SNX29: variants seen among roughly 807,000 people sequenced by gnomAD.
SNX29 encodes sorting nexin-29.
A neutral mutation model predicts 102.1 loss-of-function variants in SNX29; 78 were observed. That is an observed-to-expected ratio of 0.76 (90% CI 0.64 to 0.92). SNX29 has a LOEUF of 0.92. Among genes scored for constraint, SNX29 ranks in the 40% least tolerant of loss-of-function variants. The pLI is 0.00. For missense variants in SNX29, 1,280 were observed against 1,061.7 expected, an observed-to-expected ratio of 1.21 and a Z score of -2.86; for synonymous variants, 580 against 414.5, an observed-to-expected ratio of 1.40 and a Z score of -4.85.
At chr16:12,453,894 TG>T (rs892256579) in intron 18 of SNX29, among the ~76,000 whole-genome samples, 4 of 152,140 alleles carry the variant, frequency 2.6e-5, no homozygotes, top group African/African-American at 9.7e-5. Flanking sequence ...ATGTGGTAAT[TG>T]GATGTATAGG....
rs77382798 is a variant in SNX29 at position 12,250,594 on chromosome 16, C to A, written c.1679-27339C>A. 1.7e-3 allele frequency among the ~76,000 whole-genome samples: 257 copies of A among 152,280 alleles called. 4 individuals are homozygous for A. In the East Asian group the frequency reaches 0.043, roughly 26 times the overall value. On this transcript the variant is annotated intron_variant, in intron 14 of 20. Transcript: ENST00000566228. ...AGCACAATGCAGAGCTTGATGCAGT[C>A]CTCGGGTTGTGTTTTGGGAGAAGGC...
chr16:12,452,154 T>C (rs1398502580), intron 18 of SNX29, among the ~76,000 whole-genome samples: 1 of 152,208 alleles, frequency 6.6e-6, no homozygotes, highest in Non-Finnish European at 1.5e-5. Flanking sequence ...GGGAGCTCAG[T>C]GCAAGTTCTA....
chr16:12,352,619 T>G (rs948761690), intron 15 of SNX29, among the ~76,000 whole-genome samples: 4 of 152,248 alleles, frequency 2.6e-5, no homozygotes, highest in African/African-American at 9.6e-5. Context: ...TGATGACTCA[T>G]AGTCTTTGCA....
chr16:12,152,987 A>G (rs999555770), intron 13 of SNX29, among the ~76,000 whole-genome samples: 6 of 152,114 alleles, frequency 3.9e-5, no homozygotes, highest in African/African-American at 9.7e-5. Flanking sequence ...TCCATCCATC[A>G]TGGTCATTAG....
At chr16:12,244,583 C>A (rs1339644894) in intron 14 of SNX29, among the ~76,000 whole-genome samples, 1 of 151,984 alleles carries the variant, frequency 6.6e-6, no homozygotes, top group Non-Finnish European at 1.5e-5. Context: ...GCACTCCAGC[C>A]TAGGTGACAG....
chr16:12,540,119 C>G (rs534308187), intron 20 of SNX29, among the ~76,000 whole-genome samples: 1 of 152,262 alleles, frequency 6.6e-6, no homozygotes, highest in Non-Finnish European at 1.5e-5. Context: ...AAGATTTTCT[C>G]CTAGGTTTTC....
At chr16:12,484,921 G>A (rs553723481) in intron 19 of SNX29, among the ~76,000 whole-genome samples, 1 of 152,194 alleles carries the variant, frequency 6.6e-6, no homozygotes, top group Non-Finnish European at 1.5e-5. Flanking sequence ...ACCAGGACTG[G>A]AGTCTGTTTC....
chr16:12,027,294 C>G lies in SNX29; in HGVS notation c.123-26C>G, dbSNP rs2057221086. On this transcript the variant is annotated intron_variant, in intron 3 of 20. Transcript: ENST00000566228. ...GTTGCTACTCCCTTTTCTGGGGGGA[C>G]TGATGAGTCATTGGTTTTCTCACAG... is the stretch of plus-strand genomic sequence containing the variant. 1.9e-6 allele frequency: 3 copies of G among 1,612,366 alleles called. No individual in the cohort carries two copies. In the African/African-American group the frequency reaches 4.0e-5, roughly 22 times the overall value.
chr16:12,115,449 AG>A (rs1477617303), intron 11 of SNX29, among the ~76,000 whole-genome samples: 1 of 151,250 alleles, frequency 6.6e-6, no homozygotes, highest in Non-Finnish European at 1.5e-5. Flanking sequence ...TCTACTGTAT[AG>A]CCCAGGCCTT....
intron 16 of SNX29, among the ~76,000 whole-genome samples, chr16:12,371,873 G>A (rs2082696299): frequency 1.3e-5 from 2 of 151,926 alleles, no homozygotes; most frequent in African/African-American, 4.8e-5. Context: ...TTTCTCCACC[G>A]AGTCCTGTCC....
At chr16:12,071,652 G>A (rs961863179) in intron 10 of SNX29, among the ~76,000 whole-genome samples, 11 of 152,130 alleles carry the variant, frequency 7.2e-5, no homozygotes, top group African/African-American at 1.9e-4. Context: ...TTGGCAATGC[G>A]GCCTCTTTTT....
intron 20 of SNX29, among the ~76,000 whole-genome samples, chr16:12,552,370 A>G (rs2078034722): frequency 6.6e-6 from 1 of 152,210 alleles, no homozygotes; most frequent in Non-Finnish European, 1.5e-5. Flanking sequence ...ATACACGTGT[A>G]AGACAGCAAG....
At chr16:12,042,856 C>T (rs201830768) in intron 4 of SNX29, 41 bp from the exon 5 acceptor site, 5 of 1,569,268 alleles carry the variant, frequency 3.2e-6, no homozygotes, top group African/African-American at 1.3e-5. Context: ...GTGCTGAGTG[C>T]CCCAGGCCGA....
chr16:12,542,095 T>A (rs1597848740), intron 20 of SNX29, among the ~76,000 whole-genome samples: 2 of 152,256 alleles, frequency 1.3e-5, no homozygotes, highest in Non-Finnish European at 2.9e-5. Context: ...CAATATTGTC[T>A]CTTCCCAACG....
chr16:12,185,087 A>G (rs2076478462), intron 13 of SNX29, among the ~76,000 whole-genome samples: 1 of 152,104 alleles, frequency 6.6e-6, no homozygotes, highest in Non-Finnish European at 1.5e-5. Flanking sequence ...TTTTTATACC[A>G]TGTTCTTGCT....
chr16:12,244,459 AT>A (rs2078203197), intron 14 of SNX29, among the ~76,000 whole-genome samples: 1 of 152,152 alleles, frequency 6.6e-6, no homozygotes, highest in African/African-American at 2.4e-5. Flanking sequence ...AAATACAAAA[AT>A]TAGCTGGGCA....
chr16:12,308,553 G>A (rs950238395), intron 15 of SNX29, among the ~76,000 whole-genome samples: 49 of 152,208 alleles, frequency 3.2e-4, no homozygotes, highest in African/African-American at 1.2e-3. Context: ...TTGTCAACTT[G>A]TTGTGCACTC....
At chr16:12,367,235 G>C (rs1221026320) in intron 16 of SNX29, 1 of 152,376 alleles carries the variant, frequency 6.6e-6, no homozygotes, top group African/African-American at 2.4e-5. Context: ...CTGAGACAGA[G>C]ACTGTTGTCT....
chr16:12,105,577 TTATTAA>T (rs748670131), intron 11 of SNX29, among the ~76,000 whole-genome samples: 5 of 152,108 alleles, frequency 3.3e-5, no homozygotes, highest in Non-Finnish European at 5.9e-5. Flanking sequence ...CCACAAATCT[TTATTAA>T]AGAGTGACCC....
Sources: allele counts gnomAD v4.1 joint callset (sites outside exome capture counted in the v4.1 genomes callset), GRCh38; gene constraint gnomAD v4.1.1; transcripts MANE v1.5; gene names NCBI Gene and HGNC (gene_info 2026-07-23, HGNC 2026-07-21).